PARD3B: variants seen among roughly 807,000 people sequenced by gnomAD.
The protein encoded by PARD3B is partitioning defective 3 homolog B.
In PARD3B, 103 loss-of-function variants were observed where a neutral mutation model predicts 130.2. The ratio of observed to expected loss-of-function variants is 0.79; its 90% confidence interval spans 0.67 to 0.93. The LOEUF (loss-of-function observed/expected upper bound fraction) is 0.93. PARD3B is among the 40% of genes least tolerant of loss of function. The pLI, the probability that PARD3B is intolerant of heterozygous loss-of-function variation, is 0.00. For missense variants in PARD3B, 1,609 were observed against 1,499.2 expected (o/e 1.07, Z -1.21); for synonymous variants, 583 against 553.2 (o/e 1.05, Z -0.76).
At chr2:204,846,222 G>A (rs1405666651) in intron 2 of PARD3B, among the ~76,000 whole-genome samples, 2 of 152,104 alleles carry the variant, frequency 1.3e-5, no homozygotes, top group African/African-American at 4.8e-5. Context: ...TGGATAAGGA[G>A]TGATAAGATA....
chr2:205,283,214 A>G (rs573869618), intron 16 of PARD3B, among the ~76,000 whole-genome samples: 1 of 152,226 alleles, frequency 6.6e-6, no homozygotes, highest in Non-Finnish European at 1.5e-5. Flanking sequence ...TAAACCCTTC[A>G]GAGTGTGAGA....
At position 205,584,432 on chromosome 2, in the gene PARD3B, C is replaced by G. The variant is rs1559242427; in HGVS notation, c.3261-31024C>G. 6.6e-6 allele frequency among the ~76,000 whole-genome samples: 1 copy of G among 152,238 alleles called. No individual in the cohort carries two copies. The highest frequency in any genetic ancestry group is 1.9e-4 in the East Asian group (1 of 5,178). On this transcript the variant is annotated intron_variant, in intron 22 of 22. Coordinates refer to ENST00000406610, the MANE Select transcript of PARD3B (RefSeq NM_001302769.2). The surrounding 1 kb of genome is among the most constrained non-coding windows in gnomAD (Gnocchi z 5.5). ...ATAGCTCATGCTTACAATCCCAGCA[C>G]TTTAGGAGGCCGAGGCAGGCCGATC...
rs1388738605 is a variant in PARD3B at position 204,677,739 on chromosome 2, G to T, written c.121-8442G>T. Among the ~76,000 whole-genome samples, 2 of 152,138 alleles carry T rather than the reference G, an allele frequency of 1.3e-5. No homozygotes were observed. The highest frequency in any genetic ancestry group is 2.9e-5 in the Non-Finnish European group (2 of 68,016). On this transcript the variant is annotated intron_variant, in intron 1 of 22. Transcript: ENST00000406610. This position sits in a 1 kb window ranked among gnomAD's most constrained non-coding sequence, Gnocchi z 4.1. ...TCACTGTTGACTTGTTAAAGCCTGT[G>T]GTCAACTAAGCATCTCCTGGGCTTC...
At chr2:205,238,884 GTGTATA>G (rs1170740689) in intron 15 of PARD3B, among the ~76,000 whole-genome samples, 4 of 75,274 alleles carry the variant, frequency 5.3e-5, no homozygotes, top group African/African-American at 2.3e-4. Context: ...ATATGTATGT[GTGTATA>G]TATATATATA....
At chr2:205,174,088 A>G (rs2035328355) in intron 12 of PARD3B, among the ~76,000 whole-genome samples, 1 of 152,232 alleles carries the variant, frequency 6.6e-6, no homozygotes, top group South Asian at 2.1e-4. Flanking sequence ...TTAGTAGATG[A>G]CAGCAGATAG....
intron 2 of PARD3B, among the ~76,000 whole-genome samples, chr2:204,842,746 T>C (rs2044304020): frequency 6.6e-6 from 1 of 152,172 alleles, no homozygotes; most frequent in African/African-American, 2.4e-5. Flanking sequence ...TGTTGAAACC[T>C]GACTTCTGAT....
At chr2:205,279,820 G>A (rs1193845778) in intron 16 of PARD3B, among the ~76,000 whole-genome samples, 12 of 152,210 alleles carry the variant, frequency 7.9e-5, no homozygotes, top group Non-Finnish European at 5.9e-5. Flanking sequence ...AAACCAGAGA[G>A]AGGCACGTTC....
rs1482940582 is a variant in PARD3B, at chr2:205,572,555, A to G, written c.3260+19152A>G. On this transcript the variant is annotated intron_variant, in intron 22 of 22. Transcript: ENST00000406610. The surrounding 1 kb of genome is among the most constrained non-coding windows in gnomAD (Gnocchi z 4.2). The stretch of plus-strand genomic sequence containing the variant: ...AGCTCAGGAGTTTGAGACCACCCCA[A>G]ACAACATGGTGAAACCTCATCTCTA... Among the ~76,000 whole-genome samples the G allele has an allele frequency of 6.6e-6, 1 of 152,126 alleles. No homozygotes were observed. The highest frequency in any genetic ancestry group is 2.4e-5 in the African/African-American group (1 of 41,428).
chr2:205,424,068 C>T (rs911267265), intron 19 of PARD3B, among the ~76,000 whole-genome samples: 12 of 152,068 alleles, frequency 7.9e-5, no homozygotes, highest in African/African-American at 1.7e-4. Flanking sequence ...TGCACTTGTA[C>T]CCCTGAACTT....
chr2:205,503,511 T>C (rs2050236274), intron 21 of PARD3B, among the ~76,000 whole-genome samples: 1 of 152,156 alleles, frequency 6.6e-6, no homozygotes, highest in African/African-American at 2.4e-5. Context: ...CTGAGGGCTC[T>C]GTTCTGTTCC....
intron 15 of PARD3B, among the ~76,000 whole-genome samples, chr2:205,223,365 G>A: frequency 6.6e-6 from 1 of 152,156 alleles, no homozygotes; most frequent in East Asian, 1.9e-4. Flanking sequence ...AATAAGATGA[G>A]TAGTAGAGTT....
intron 2 of PARD3B, among the ~76,000 whole-genome samples, chr2:204,847,871 C>G (rs778269078): frequency 1.7e-4 from 26 of 152,174 alleles, no homozygotes; most frequent in Non-Finnish European, 3.7e-4. Flanking sequence ...TTGCTAAGAT[C>G]TGTCACAAGA....
chr2:204,699,488 A>G (rs1223980292), intron 2 of PARD3B, among the ~76,000 whole-genome samples: 5 of 152,066 alleles, frequency 3.3e-5, no homozygotes, highest in Non-Finnish European at 7.4e-5. Flanking sequence ...ATAATTTGGT[A>G]TATTTAGGAA....
intron 3 of PARD3B, among the ~76,000 whole-genome samples, chr2:204,985,697 A>G (rs1693073202): frequency 6.6e-6 from 1 of 152,142 alleles, no homozygotes; most frequent in Non-Finnish European, 1.5e-5. Flanking sequence ...GAGACAATTG[A>G]TGAAGCCCCG....
chr2:205,047,675 GAAA>G lies in PARD3B; in HGVS notation c.490_492del (p.Lys164del). The stretch of plus-strand genomic sequence containing the variant: ...CTTCACACCCTGGTGGCCAGAGTCT[GAAA>G]CTGGTTGTTCCAGTAGGTATCCTGC... On this transcript the variant is annotated inframe_deletion, in exon 4 of 23. Coordinates refer to ENST00000406610, the MANE Select transcript of PARD3B (RefSeq NM_001302769.2). The G allele has an allele frequency of 6.5e-7, 1 of 1,547,100 alleles. No individual in the cohort carries two copies. The highest frequency in any genetic ancestry group is 1.2e-5 in the South Asian group (1 of 83,922).
At chr2:204,742,264 T>C (rs2040041326) in intron 2 of PARD3B, among the ~76,000 whole-genome samples, 1 of 152,216 alleles carries the variant, frequency 6.6e-6, no homozygotes, top group South Asian at 2.1e-4. Context: ...ATGTACATAG[T>C]CACATATATT....
At chr2:205,403,428 C>G (rs2106022418) in intron 19 of PARD3B, among the ~76,000 whole-genome samples, 1 of 152,226 alleles carries the variant, frequency 6.6e-6, no homozygotes, top group South Asian at 2.1e-4. Context: ...CACAGTTTCT[C>G]TGAAGACCTA....
At chr2:204,937,943 C>A (rs1356747262) in intron 2 of PARD3B, among the ~76,000 whole-genome samples, 1 of 152,132 alleles carries the variant, frequency 6.6e-6, no homozygotes, top group Non-Finnish European at 1.5e-5. Context: ...TTGGAAAACT[C>A]AGGGTTATAG....
chr2:204,585,695 G>T (rs2032787081), intron 1 of PARD3B, among the ~76,000 whole-genome samples: 1 of 151,932 alleles, frequency 6.6e-6, no homozygotes, highest in South Asian at 2.1e-4. Flanking sequence ...TGATTGATAG[G>T]CTTCTAGGTT....
Sources: gnomAD v4.1 joint callset for allele counts (sites outside exome capture counted in the v4.1 genomes callset) on GRCh38, gnomAD v4.1.1 for gene constraint, Gnocchi (gnomAD v3.1) non-coding constraint, MANE v1.5 for transcripts, NCBI Gene and HGNC (gene_info 2026-07-23, HGNC 2026-07-21) for gene names.